The following SIAH1 variants were observed in gnomAD, a reference collection of about 807,000 sequenced individuals.
The protein encoded by SIAH1 is siah E3 ubiquitin protein ligase 1, also known as E3 ubiquitin-protein ligase SIAH1.
Under a neutral mutation model 20.0 loss-of-function variants are expected in SIAH1, and 2 were observed. The observed-to-expected ratio is 0.10, with a 90% CI of 0.04 to 0.31. SIAH1 has a LOEUF of 0.31. Among genes scored for constraint, SIAH1 ranks in the 10% least tolerant of loss-of-function variants. SIAH1 has a pLI of 1.00. For missense variants in SIAH1, 119 were observed against 355.3 expected (o/e 0.33, Z 5.35); for synonymous variants, 118 against 125.3 (o/e 0.94, Z 0.39).
chr16:48,385,494 T>TGG (rs542576035), upstream of SIAH1: 29 of 150,522 alleles, frequency 1.9e-4, no homozygotes, highest in East Asian at 1.4e-3. Flanking sequence ...GCTGGGAGCC[T>TGG]GGGGGGGCGG....
At position 48,362,354 on chromosome 16, in the gene SIAH1, C is replaced by A; in HGVS notation, c.75G>T (p.Leu25=). 3.1e-6 allele frequency: 5 copies of A among 1,614,152 alleles called. No homozygotes were observed. In the Admixed American group the frequency reaches 8.3e-5, roughly 27 times the overall value. ...KCPPSQRVPA[L]TGTTASNNDL... ...CATTGTTGGATGCAGTTGTGCCAGTCAGGGCAGGCACCCTCTGGGATGGTG... is the reference window on the plus strand; with the variant it reads ...CATTGTTGGATGCAGTTGTGCCAGTAAGGGCAGGCACCCTCTGGGATGGTG... Residue 25 remains leucine, a synonymous_variant, in exon 2 of 2, where the codon CTG becomes CTT. Transcript: ENST00000394725. The surrounding 1 kb of genome is among the most constrained non-coding windows in gnomAD (Gnocchi z 4.2).
Position 48,385,240 on chromosome 16 carries a change from G to T in SIAH1, c.-39C>A, listed in dbSNP as rs1454416213. 4 of 325,000 alleles carry T rather than the reference G, an allele frequency of 1.2e-5. No individual in the cohort carries two copies. The highest frequency in any genetic ancestry group is 2.6e-5 in the Non-Finnish European group (4 of 153,826). 20.1% of individuals were successfully genotyped at this position (325,000 alleles called of 1,614,324 possible). A position where few individuals can be genotyped will look rare whatever the true frequency, so the allele number is the denominator to read the frequency against. On this transcript the variant is annotated 5_prime_UTR_variant, in exon 1 of 2. Transcript: ENST00000394725. ...GAGCGCGCCTCGGACCCCGGTCCTG[G>T]CACCAACGCGCTCCGTCGCCAACCC...
intron 1 of SIAH1, among the ~76,000 whole-genome samples, chr16:48,381,277 G>A (rs542049350): frequency 1.3e-5 from 2 of 152,238 alleles, no homozygotes; most frequent in East Asian, 3.9e-4. Flanking sequence ...CCCAGGAGGT[G>A]GAAGTTGCAG....
chr16:48,373,623 T>C (rs752814085), intron 1 of SIAH1, among the ~76,000 whole-genome samples: 1 of 151,752 alleles, frequency 6.6e-6, no homozygotes, highest in Non-Finnish European at 1.5e-5. Flanking sequence ...ACCAGTCTCA[T>C]TGTTCCCAGC....
At chr16:48,386,314 C>T (rs917456033), upstream of SIAH1, among the ~76,000 whole-genome samples, 12 of 152,294 alleles carry the variant, frequency 7.9e-5, no homozygotes, top group Middle Eastern at 3.4e-3. Flanking sequence ...CGAGAGTAGC[C>T]TGGCCAACAT....
At chr16:48,370,603 G>A (rs545164142) in intron 1 of SIAH1, among the ~76,000 whole-genome samples, 2 of 152,074 alleles carry the variant, frequency 1.3e-5, no homozygotes, top group South Asian at 2.1e-4. Flanking sequence ...CGGATCATGA[G>A]GTCAGGTTAT....
At chr16:48,383,650 AT>A (rs533215488) in intron 1 of SIAH1, among the ~76,000 whole-genome samples, 2 of 152,236 alleles carry the variant, frequency 1.3e-5, no homozygotes, top group East Asian at 1.9e-4. Flanking sequence ...AATCAATTTG[AT>A]TTTTTTTAAT....
At chr16:48,365,682 C>T in intron 1 of SIAH1, 2 of 1,424,932 alleles carry the variant, frequency 1.4e-6, no homozygotes, top group South Asian at 3.1e-5. Context: ...TCCCTGTGAG[C>T]TCAAATTCGA....
intron 1 of SIAH1, among the ~76,000 whole-genome samples, chr16:48,372,692 G>A (rs1961014711): frequency 6.6e-6 from 1 of 152,172 alleles, no homozygotes; most frequent in Non-Finnish European, 1.5e-5. Flanking sequence ...TTGTATGTCA[G>A]TGAAAAAATT....
chr16:48,378,261 G>C (rs528417037), intron 1 of SIAH1, among the ~76,000 whole-genome samples: 1 of 152,326 alleles, frequency 6.6e-6, no homozygotes, highest in South Asian at 2.1e-4. Flanking sequence ...GCTGAGGCAG[G>C]AGAATCGCTT....
At chr16:48,365,945 G>A in intron 1 of SIAH1, 1 of 1,194,584 alleles carries the variant, frequency 8.4e-7, no homozygotes, top group Non-Finnish European at 1.0e-6. Context: ...GGCCTGCGTT[G>A]GGAACGCCTA....
chr16:48,386,057 C>T (rs1301779276), upstream of SIAH1, among the ~76,000 whole-genome samples: 1 of 152,184 alleles, frequency 6.6e-6, no homozygotes, highest in Non-Finnish European at 1.5e-5. Flanking sequence ...TGTGTCCATG[C>T]TCATCTGGAA....
At chr16:48,377,583 C>G (rs1387371710) in intron 1 of SIAH1, among the ~76,000 whole-genome samples, 4 of 151,914 alleles carry the variant, frequency 2.6e-5, no homozygotes, top group Non-Finnish European at 4.4e-5. Context: ...GAGACAAGGA[C>G]AGGGCTTCAC....
chr16:48,376,641 G>A (rs554243338), intron 1 of SIAH1, among the ~76,000 whole-genome samples: 5 of 152,042 alleles, frequency 3.3e-5, no homozygotes, highest in Non-Finnish European at 4.4e-5. Flanking sequence ...ACTGGCGCCC[G>A]GCACTACACC....
intron 1 of SIAH1, among the ~76,000 whole-genome samples, chr16:48,370,119 C>T (rs891967599): frequency 6.6e-6 from 1 of 152,276 alleles, no homozygotes; most frequent in South Asian, 2.1e-4. Flanking sequence ...TGCAGATAAC[C>T]TTCTGATATG....
intron 1 of SIAH1, among the ~76,000 whole-genome samples, chr16:48,367,748 C>T (rs2151048454): frequency 6.6e-6 from 1 of 152,220 alleles, no homozygotes; most frequent in Admixed American, 6.5e-5. Flanking sequence ...ATTTTTAGCA[C>T]AATAAACCTT....
chr16:48,365,519 G>A (rs751431659), intron 1 of SIAH1: 5 of 1,598,532 alleles, frequency 3.1e-6, no homozygotes, highest in Non-Finnish European at 8.5e-7. Flanking sequence ...AAGAAGTAAA[G>A]GAACAGGCCC....
intron 1 of SIAH1, among the ~76,000 whole-genome samples, chr16:48,378,045 A>AGCCAAACAGAAATGAAAGAGTACAGGCCG (rs1258734235): frequency 2.0e-5 from 3 of 152,222 alleles, no homozygotes; most frequent in African/African-American, 4.8e-5. Context: ...GAGTGAAAGA[A>AGCCAAACAGAAATGAAAGAGTACAGGCCG]GCCAAACAGA....
chr16:48,365,927 C>CG, intron 1 of SIAH1: 4 of 1,219,004 alleles, frequency 3.3e-6, no homozygotes, highest in Non-Finnish European at 4.1e-6. Flanking sequence ...GAGCCTCGGC[C>CG]GGGGCTGGGC....
Sources: allele counts gnomAD v4.1 joint callset (sites outside exome capture counted in the v4.1 genomes callset), GRCh38; gene constraint gnomAD v4.1.1; non-coding constraint Gnocchi (gnomAD v3.1); transcripts MANE v1.5; gene names NCBI Gene and HGNC (gene_info 2026-07-23, HGNC 2026-07-21).